WWOX: variants seen among roughly 807,000 people sequenced by gnomAD.
The protein encoded by WWOX is WW domain-containing oxidoreductase.
WWOX carries 69 observed loss-of-function variants against 46.2 expected under a neutral mutation model. That is an observed-to-expected ratio of 1.49 (90% CI 1.23 to 1.82). The LOEUF (loss-of-function observed/expected upper bound fraction) is 1.82. WWOX is among the 40% of genes most tolerant of loss of function. WWOX has a pLI of 0.00. For synonymous variants in WWOX, 359 were observed against 202.6 expected, an observed-to-expected ratio of 1.77 and a Z score of -6.56; for missense variants, 919 against 542.6, an observed-to-expected ratio of 1.69 and a Z score of -6.89.
chr16:78,519,051 A>G (rs2043295641), intron 8 of WWOX, among the ~76,000 whole-genome samples: 1 of 152,194 alleles, frequency 6.6e-6, no homozygotes, highest in South Asian at 2.1e-4. Flanking sequence ...TTTCTAATTT[A>G]ATCTTATACA....
At chr16:78,312,108 C>G (rs2080256826) in intron 5 of WWOX, among the ~76,000 whole-genome samples, 1 of 152,146 alleles carries the variant, frequency 6.6e-6, no homozygotes, top group African/African-American at 2.4e-5. Flanking sequence ...GCCTCCTCCT[C>G]TTACTTTTAA....
chr16:79,106,460 G>A (rs1023187209), intron 8 of WWOX, among the ~76,000 whole-genome samples: 33 of 151,980 alleles, frequency 2.2e-4, no homozygotes, highest in African/African-American at 7.7e-4. Flanking sequence ...TGAATCTGGG[G>A]ACACTTTTTG....
intron 8 of WWOX, among the ~76,000 whole-genome samples, chr16:78,943,739 G>C (rs2045897253): frequency 6.6e-6 from 1 of 152,164 alleles, no homozygotes. Context: ...GCCCTGCCAA[G>C]ACCATTAAGC....
intron 8 of WWOX, among the ~76,000 whole-genome samples, chr16:79,003,350 T>C (rs2047130681): frequency 1.3e-5 from 2 of 152,212 alleles, no homozygotes; most frequent in Non-Finnish European, 2.9e-5. Context: ...GATCCTGCTG[T>C]ATACCGGGAA....
intron 8 of WWOX, among the ~76,000 whole-genome samples, chr16:78,438,964 C>G (rs1022736676): frequency 2.0e-5 from 3 of 152,142 alleles, no homozygotes; most frequent in Non-Finnish European, 4.4e-5. Context: ...TATAGTTGTA[C>G]AATTTAAAAC....
intron 8 of WWOX, among the ~76,000 whole-genome samples, chr16:78,962,849 C>T (rs2046296879): frequency 6.6e-6 from 1 of 152,148 alleles, no homozygotes; most frequent in African/African-American, 2.4e-5. Flanking sequence ...TGATTTCTAT[C>T]AGCATAGTTT....
chr16:78,955,678 T>C (rs12927570), intron 8 of WWOX, among the ~76,000 whole-genome samples: 18,358 of 151,810 alleles, frequency 0.12, 1,484 homozygotes, highest in African/African-American at 0.22. Flanking sequence ...TGAGACAGGG[T>C]CTTGCTCTAT....
chr16:79,124,379 A>G (rs2049705813), intron 8 of WWOX, among the ~76,000 whole-genome samples: 1 of 152,148 alleles, frequency 6.6e-6, no homozygotes, highest in African/African-American at 2.4e-5. Context: ...ATTGGAAACC[A>G]TAGAGAAGTA....
chr16:78,719,489 G>A (rs561809673), intron 8 of WWOX, among the ~76,000 whole-genome samples: 1 of 152,348 alleles, frequency 6.6e-6, no homozygotes, highest in South Asian at 2.1e-4. Flanking sequence ...GATGGCCCTG[G>A]AAGGAGGAGT....
At chr16:78,924,547 C>A (rs1250848010) in intron 8 of WWOX, among the ~76,000 whole-genome samples, 1 of 152,160 alleles carries the variant, frequency 6.6e-6, no homozygotes, top group South Asian at 2.1e-4. Flanking sequence ...GTTTCCTTAT[C>A]TGTAAAATCC....
chr16:78,412,095 C>G (rs1042561390), intron 6 of WWOX, among the ~76,000 whole-genome samples: 6 of 152,082 alleles, frequency 3.9e-5, no homozygotes, highest in African/African-American at 1.4e-4. Flanking sequence ...GAGGTAGTGC[C>G]TACCTCTGTG....
chr16:79,105,370 C>T (rs557323241), intron 8 of WWOX, among the ~76,000 whole-genome samples: 394 of 152,242 alleles, frequency 2.6e-3, no homozygotes, highest in Non-Finnish European at 4.3e-3. Context: ...GAGAAAAGGG[C>T]ACCAACTCCA....
chr16:78,902,120 C>CA lies in WWOX; in HGVS notation c.1057-309487dup. On this transcript the variant is annotated intron_variant, in intron 8 of 8. Transcript: ENST00000566780. ...TTTCAGAGCTGGCAGACAGCATCTA[C>CA]ATCCACCTCTGCAGGAAGCAAGGGA... Among the ~76,000 whole-genome samples the CA allele has an allele frequency of 2.6e-5, 4 of 152,334 alleles. No individual in the cohort carries two copies. The South Asian group carries it at 8.3e-4, about 32-fold the overall frequency.
At chr16:78,824,407 T>C (rs2151148190) in intron 8 of WWOX, among the ~76,000 whole-genome samples, 1 of 152,322 alleles carries the variant, frequency 6.6e-6, no homozygotes, top group Middle Eastern at 3.4e-3. Context: ...ATTCATTCAT[T>C]CCTCTAATCA....
In WWOX at chr16:78,716,732, G is replaced by GA. The variant is rs369139154; in HGVS notation, c.1056+283988dup. ...GAGATTTTCTTAGAGGTGTGGAACA[G>GA]AAAAAAAAGCGTCTCTATTCGAATT... On this transcript the variant is annotated intron_variant, in intron 8 of 8. Coordinates refer to ENST00000566780, the MANE Select transcript of WWOX (RefSeq NM_016373.4). Among the ~76,000 whole-genome samples, 489 of 150,560 alleles carry GA rather than the reference G, an allele frequency of 3.2e-3. 3 individuals carry two copies. Among genetic ancestry groups the GA allele is most frequent in the Non-Finnish European group, 2.7e-3 (182 of 67,678 alleles).
chr16:78,666,245 T>A (rs2047330639), intron 8 of WWOX, among the ~76,000 whole-genome samples: 1 of 152,090 alleles, frequency 6.6e-6, no homozygotes, highest in South Asian at 2.1e-4. Context: ...ACTGTGATCC[T>A]GCCACTGCAC....
At chr16:78,921,906 T>G (rs2045388170) in intron 8 of WWOX, among the ~76,000 whole-genome samples, 1 of 152,148 alleles carries the variant, frequency 6.6e-6, no homozygotes, top group African/African-American at 2.4e-5. Context: ...ACAGTTACAG[T>G]TTATTACAGG....
intron 8 of WWOX, among the ~76,000 whole-genome samples, chr16:78,815,367 C>A (rs181704728): frequency 1.2e-4 from 19 of 152,050 alleles, no homozygotes; most frequent in Admixed American, 1.1e-3. Flanking sequence ...TTTTAGCTGA[C>A]AAGGGCAGGA....
intron 8 of WWOX, among the ~76,000 whole-genome samples, chr16:78,910,159 C>G (rs1158943952): frequency 8.8e-6 from 1 of 113,638 alleles, no homozygotes; most frequent in South Asian, 3.6e-4. Flanking sequence ...TGCTTTTTCT[C>G]CCTTTTTGGT....
Sources: allele counts gnomAD v4.1 joint callset (sites outside exome capture counted in the v4.1 genomes callset), GRCh38; gene constraint gnomAD v4.1.1; transcripts MANE v1.5; gene names NCBI Gene and HGNC (gene_info 2026-07-23, HGNC 2026-07-21).